Variants in NTN1 observed in about 807,000 individuals in gnomAD.
NTN1 encodes the protein netrin 1.
In NTN1, 11 loss-of-function variants were observed where a neutral mutation model predicts 54.2. The ratio of observed to expected loss-of-function variants is 0.20; its 90% CI spans 0.13 to 0.34. The LOEUF (loss-of-function observed/expected upper bound fraction) is 0.34. NTN1 is among the 10% of genes least tolerant of loss of function. NTN1 has a pLI of 1.00. For synonymous variants in NTN1, 371 were observed against 382.0 expected (o/e 0.97, Z 0.33); for missense variants, 740 against 893.1 (o/e 0.83, Z 2.18).
chr17:9,185,138 C>G (rs1018408530), intron 5 of NTN1, among the ~76,000 whole-genome samples: 5 of 152,192 alleles, frequency 3.3e-5, no homozygotes, highest in African/African-American at 7.2e-5. Flanking sequence ...CTGCCCTACT[C>G]TGGGGGTCCT....
chr17:9,015,343 A>C, the NTN1 span, among the ~76,000 whole-genome samples: 1 of 151,898 alleles, frequency 6.6e-6, no homozygotes. Flanking sequence ...CCCAGGAGGC[A>C]GAGGCTGCAA....
At chr17:9,035,419 C>T (rs1268156051) in intron 2 of NTN1, among the ~76,000 whole-genome samples, 3 of 152,180 alleles carry the variant, frequency 2.0e-5, no homozygotes, top group Non-Finnish European at 4.4e-5. Context: ...CCACTTACGG[C>T]AGGCATTTGG....
chr17:9,082,206 C>T (rs1301574047), intron 2 of NTN1, among the ~76,000 whole-genome samples: 1 of 152,030 alleles, frequency 6.6e-6, no homozygotes, highest in Non-Finnish European at 1.5e-5. Context: ...ATTAGAGGCA[C>T]CCACCACCAC....
intron 5 of NTN1, among the ~76,000 whole-genome samples, chr17:9,184,035 C>T (rs559128026): frequency 1.9e-4 from 29 of 152,304 alleles, no homozygotes; most frequent in African/African-American, 6.3e-4. Flanking sequence ...TTGCCTCCCC[C>T]AGAAAGGACT....
chr17:9,006,140 A>C, the NTN1 span, among the ~76,000 whole-genome samples: 2 of 142,828 alleles, frequency 1.4e-5, no homozygotes, highest in East Asian at 4.6e-4. Flanking sequence ...AAAGTGGAAG[A>C]AAGTGGGTAG....
At chr17:9,109,532 A>G (rs2092182279) in intron 2 of NTN1, among the ~76,000 whole-genome samples, 1 of 152,242 alleles carries the variant, frequency 6.6e-6, no homozygotes, top group Admixed American at 6.5e-5. Context: ...TCCATTTTCT[A>G]TCAATGGCCA....
At chr17:9,129,955 G>A (rs138643509) in intron 2 of NTN1, among the ~76,000 whole-genome samples, 22 of 152,290 alleles carry the variant, frequency 1.4e-4, no homozygotes, top group African/African-American at 5.1e-4. Flanking sequence ...GCCTCTACCA[G>A]CCTCCCAGGC....
At chr17:9,059,213 A>G (rs1246483781) in intron 2 of NTN1, among the ~76,000 whole-genome samples, 1 of 152,164 alleles carries the variant, frequency 6.6e-6, no homozygotes, top group East Asian at 1.9e-4. Context: ...ACCCTGGGGA[A>G]AATGCAGCAG....
intron 2 of NTN1, among the ~76,000 whole-genome samples, chr17:9,117,189 AG>A (rs1338051233): frequency 6.6e-6 from 1 of 152,232 alleles, no homozygotes; most frequent in Non-Finnish European, 1.5e-5. Flanking sequence ...GAGAAAGCCG[AG>A]AGACAGGGCA....
At chr17:9,003,558 C>T in the NTN1 span, among the ~76,000 whole-genome samples, 1 of 148,320 alleles carries the variant, frequency 6.7e-6, no homozygotes, top group African/African-American at 2.4e-5. The surrounding 1 kb of genome is among the most constrained non-coding windows in gnomAD (Gnocchi z 7.4). Flanking sequence ...GTCACGCCGG[C>T]AGGTCGCGCT....
In NTN1 at chr17:9,120,455, T is replaced by G. The variant is rs2092228730; in HGVS notation, c.1019-42358T>G. ...CCAAGCGTGAGGGAACATGGTGACT[T>G]CACATTTTCTTTAGTTTTCTTCAAA... On this transcript the variant is annotated intron_variant, in intron 2 of 6. Coordinates refer to ENST00000173229, the MANE Select transcript of NTN1 (RefSeq NM_004822.3). Among the ~76,000 whole-genome samples, 4 of 152,114 alleles carry G rather than the reference T, an allele frequency of 2.6e-5. 1 individual carries two copies. In the South Asian group the frequency reaches 8.3e-4, roughly 32 times the overall value.
chr17:9,223,420 C>T (rs779444875), intron 6 of NTN1, among the ~76,000 whole-genome samples: 11 of 152,066 alleles, frequency 7.2e-5, no homozygotes, highest in African/African-American at 1.4e-4. Flanking sequence ...GGCGTCGTGG[C>T]GCACACCTGT....
At chr17:9,004,314 C>A in the NTN1 span, among the ~76,000 whole-genome samples, 1 of 152,236 alleles carries the variant, frequency 6.6e-6, no homozygotes, top group African/African-American at 2.4e-5. Flanking sequence ...GAAACAGGGT[C>A]GACCTGCACA....
chr17:9,221,669 A>T lies in NTN1; in HGVS notation c.1486+427A>T, dbSNP rs1905359847. On this transcript the variant is annotated intron_variant, in intron 6 of 6. Coordinates refer to ENST00000173229, the MANE Select transcript of NTN1 (RefSeq NM_004822.3). This position sits in a 1 kb window ranked among gnomAD's most constrained non-coding sequence, Gnocchi z 4.5. ...GCTGGGAGCTCCCCGGTGCATTTCC[A>T]GTGTTCCGCCAGGCTGTAGCGGGGC... is the stretch of plus-strand genomic sequence containing the variant. Among the ~76,000 whole-genome samples the T allele has an allele frequency of 6.6e-6, 1 of 152,192 alleles. No individual in the cohort carries two copies. Among genetic ancestry groups the T allele is most frequent in the African/African-American group, 2.4e-5 (1 of 41,462 alleles).
intron 2 of NTN1, among the ~76,000 whole-genome samples, chr17:9,029,743 C>A (rs1397312460): frequency 3.3e-5 from 5 of 152,194 alleles, no homozygotes; most frequent in Admixed American, 2.6e-4. Flanking sequence ...CCTGTAATCC[C>A]AGCACTTTGG....
upstream of NTN1, among the ~76,000 whole-genome samples, chr17:9,018,064 A>T (rs145561163): frequency 6.6e-6 from 1 of 152,242 alleles, no homozygotes; most frequent in African/African-American, 2.4e-5. Flanking sequence ...CTGCAGACTT[A>T]ACAGAGAGGG....
chr17:9,187,687 C>T (rs1421062573), intron 5 of NTN1, among the ~76,000 whole-genome samples: 1 of 148,170 alleles, frequency 6.7e-6, no homozygotes, highest in Non-Finnish European at 1.5e-5. Flanking sequence ...AAACATTAGC[C>T]AGGCATGGTG....
intron 6 of NTN1, among the ~76,000 whole-genome samples, chr17:9,233,837 G>A (rs1185945368): frequency 6.6e-6 from 1 of 152,162 alleles, no homozygotes; most frequent in Non-Finnish European, 1.5e-5. Context: ...GACACCCAGG[G>A]CTGGACAGGC....
At chr17:9,082,797 A>G (rs1042009021) in intron 2 of NTN1, among the ~76,000 whole-genome samples, 6 of 151,764 alleles carry the variant, frequency 4.0e-5, no homozygotes, top group African/African-American at 1.5e-4. Flanking sequence ...ACCAAATCAG[A>G]TGAAACATCG....
Sources: gnomAD v4.1 joint callset for allele counts (sites outside exome capture counted in the v4.1 genomes callset) on GRCh38, gnomAD v4.1.1 for gene constraint, Gnocchi (gnomAD v3.1) non-coding constraint, MANE v1.5 for transcripts, NCBI Gene and HGNC (gene_info 2026-07-23, HGNC 2026-07-21) for gene names.